CHSY3: variants seen among roughly 807,000 people sequenced by gnomAD.
CHSY3 encodes N-acetylgalactosaminyl-proteoglycan 3-beta-glucuronosyltransferase 3.
Under a neutral mutation model 67.2 loss-of-function variants are expected in CHSY3, and 35 were observed. That is an observed-to-expected ratio of 0.52 (90% CI 0.40 to 0.69). CHSY3 has a LOEUF of 0.69. Ranked by LOEUF, CHSY3 falls within the 30% of genes least tolerant of loss-of-function variation. The probability of loss-of-function intolerance (pLI) is 0.00; values close to 1 mark genes in which losing one functional copy is unlikely to be tolerated. For missense variants in CHSY3, 1,069 were observed against 1,138.5 expected, an observed-to-expected ratio of 0.94 and a Z score of 0.88; for synonymous variants, 474 against 434.7, an observed-to-expected ratio of 1.09 and a Z score of -1.12.
chr5:130,069,821 T>C (rs1338934899), intron 2 of CHSY3, among the ~76,000 whole-genome samples: 1 of 152,124 alleles, frequency 6.6e-6, no homozygotes, highest in African/African-American at 2.4e-5. Flanking sequence ...TTCTCCTTCT[T>C]CTTACCAATT....
intron 2 of CHSY3, among the ~76,000 whole-genome samples, chr5:130,018,524 T>C (rs939798647): frequency 1.3e-5 from 2 of 152,234 alleles, no homozygotes; most frequent in African/African-American, 4.8e-5. Flanking sequence ...GCTGTGGCTT[T>C]TATGCTTCTA....
intron 2 of CHSY3, among the ~76,000 whole-genome samples, chr5:130,086,302 G>T (rs1766622024): frequency 6.6e-6 from 1 of 151,846 alleles, no homozygotes; most frequent in Non-Finnish European, 1.5e-5. Flanking sequence ...TCCTGTATTG[G>T]GTGCATATAT....
Position 129,904,955 on chromosome 5 carries a change from C to A in CHSY3, c.126C>A (p.Ser42=). The change falls in exon 1 of 3, where the codon TCC becomes TCA. Residue 42 remains serine (S), a synonymous_variant. Transcript: ENST00000305031. ...AELSERKRRG[S]SLCSYYGRSA... Reference sequence around the variant, plus strand: ...TGAGCGAGAGGAAGAGACGTGGCTCCAGCCTCTGCTCCTACTACGGTCGCT... The same window carrying A: ...TGAGCGAGAGGAAGAGACGTGGCTCAAGCCTCTGCTCCTACTACGGTCGCT... 1 of 1,561,348 alleles carries A rather than the reference C, an allele frequency of 6.4e-7. No homozygotes were observed. Among genetic ancestry groups the A allele is most frequent in the Non-Finnish European group, 8.6e-7 (1 of 1,158,526 alleles).
At chr5:130,008,863 C>T (rs920281072) in intron 2 of CHSY3, among the ~76,000 whole-genome samples, 1 of 152,150 alleles carries the variant, frequency 6.6e-6, no homozygotes, top group South Asian at 2.1e-4. Context: ...AGGTAAAAAT[C>T]TCAGAGCTTG....
chr5:129,984,965 C>G (rs905503333), intron 2 of CHSY3, among the ~76,000 whole-genome samples: 1 of 152,004 alleles, frequency 6.6e-6, no homozygotes, highest in African/African-American at 2.4e-5. Flanking sequence ...TTCTCCCATT[C>G]TATAGGCTAT....
intron 2 of CHSY3, among the ~76,000 whole-genome samples, chr5:129,924,362 T>C (rs1257253253): frequency 6.6e-6 from 1 of 152,054 alleles, no homozygotes; most frequent in Non-Finnish European, 1.5e-5. Context: ...AAATTAGAAT[T>C]AACGGCCGAG....
intron 2 of CHSY3, among the ~76,000 whole-genome samples, chr5:130,155,283 T>C (rs1769346206): frequency 6.6e-6 from 1 of 152,200 alleles, no homozygotes. Flanking sequence ...GGAAAAAATG[T>C]GCACATAAAA....
At chr5:130,061,053 TAA>T in intron 2 of CHSY3, among the ~76,000 whole-genome samples, 1 of 152,006 alleles carries the variant, frequency 6.6e-6, no homozygotes, top group African/African-American at 2.4e-5. Context: ...CATAGAAGTA[TAA>T]AAAACTCCTA....
At chr5:130,159,465 G>A (rs539085199) in intron 2 of CHSY3, among the ~76,000 whole-genome samples, 63 of 152,082 alleles carry the variant, frequency 4.1e-4, no homozygotes, top group Non-Finnish European at 8.1e-4. Context: ...GTACCTGGCC[G>A]CAATTCTGCA....
Position 130,020,281 on chromosome 5 carries a change from T to C in CHSY3, c.1086+111921T>C, listed in dbSNP as rs180961249. Among the ~76,000 whole-genome samples the C allele has an allele frequency of 2.2e-3, 327 of 150,734 alleles. 2 individuals carry two copies. The highest frequency in any genetic ancestry group is 6.3e-3 in the African/African-American group (258 of 41,034). On this transcript the variant is annotated intron_variant, in intron 2 of 2. Transcript: ENST00000305031. ...AAAAATACAAAAAAAATTAGCAGGG[T>C]GTGGTGGCTGGTGCCTGTAGTCCAG... is the stretch of plus-strand genomic sequence containing the variant.
chr5:130,154,089 A>G (rs1769306818), intron 2 of CHSY3, among the ~76,000 whole-genome samples: 1 of 151,940 alleles, frequency 6.6e-6, no homozygotes, highest in South Asian at 2.1e-4. Context: ...GCTAATTTTC[A>G]TACTTTTAGT....
At chr5:130,072,371 G>A (rs191272566) in intron 2 of CHSY3, among the ~76,000 whole-genome samples, 2 of 151,938 alleles carry the variant, frequency 1.3e-5, no homozygotes, top group Non-Finnish European at 2.9e-5. Context: ...GTCATTCTTC[G>A]GCATGTGGAT....
At chr5:130,116,424 A>C (rs73244855) in intron 2 of CHSY3, among the ~76,000 whole-genome samples, 1,999 of 152,294 alleles carry the variant, frequency 0.013, 51 homozygotes, top group African/African-American at 0.046. Flanking sequence ...TTTTTCTGTC[A>C]TTCTTTTCCT....
intron 2 of CHSY3, among the ~76,000 whole-genome samples, chr5:130,109,592 A>G (rs1767527421): frequency 6.6e-6 from 1 of 151,896 alleles, no homozygotes; most frequent in East Asian, 1.9e-4. Context: ...GAGTTCTAGT[A>G]TTTTTCTCAT....
chr5:130,041,479 G>T (rs1283965362), intron 2 of CHSY3, among the ~76,000 whole-genome samples: 1 of 152,072 alleles, frequency 6.6e-6, no homozygotes, highest in Admixed American at 6.6e-5. Flanking sequence ...AATGTAAGAG[G>T]CATCAAGACA....
At chr5:130,149,168 G>A (rs558657261) in intron 2 of CHSY3, among the ~76,000 whole-genome samples, 6 of 152,154 alleles carry the variant, frequency 3.9e-5, no homozygotes, top group African/African-American at 1.2e-4. Flanking sequence ...CAATTGCAAA[G>A]TTGCTTCCAC....
intron 2 of CHSY3, among the ~76,000 whole-genome samples, chr5:130,151,249 A>G (rs1223487502): frequency 6.6e-6 from 1 of 152,190 alleles, no homozygotes; most frequent in Admixed American, 6.5e-5. Flanking sequence ...AAACTCAAAA[A>G]TTACACTTTC....
At chr5:130,084,607 ATTT>A (rs200659195) in intron 2 of CHSY3, among the ~76,000 whole-genome samples, 13,841 of 151,384 alleles carry the variant, frequency 0.091, 706 homozygotes, top group African/African-American at 0.13. Context: ...TAATTAATTT[ATTT>A]ATTTAATAAG....
At chr5:130,136,062 T>G (rs758792473) in intron 2 of CHSY3, among the ~76,000 whole-genome samples, 1 of 152,210 alleles carries the variant, frequency 6.6e-6, no homozygotes, top group Non-Finnish European at 1.5e-5. Flanking sequence ...GCGAAGTGTT[T>G]AAGACAAAGT....
Sources: allele counts gnomAD v4.1 joint callset (sites outside exome capture counted in the v4.1 genomes callset), GRCh38; gene constraint gnomAD v4.1.1; transcripts MANE v1.5; gene names NCBI Gene and HGNC (gene_info 2026-07-23, HGNC 2026-07-21).